Variants in VMAC observed in about 807,000 individuals in gnomAD.
VMAC encodes the protein vimentin-type intermediate filament-associated coiled-coil protein.
A neutral mutation model predicts 4.8 loss-of-function variants in VMAC; 8 were observed. The observed-to-expected ratio is 1.68, with a 90% CI of 0.99 to 3.03. The LOEUF (loss-of-function observed/expected upper bound fraction) is 3.03. Among genes scored for constraint, VMAC ranks in the 30% most tolerant of loss-of-function variants. The pLI, the probability that VMAC is intolerant of heterozygous loss-of-function variation, is 0.00. For missense variants in VMAC, 248 were observed against 245.1 expected, an observed-to-expected ratio of 1.01 and a Z score of -0.08; for synonymous variants, 96 against 113.7, an observed-to-expected ratio of 0.84 and a Z score of 0.99.
In VMAC at chr19:5,909,155, G is replaced by A; in HGVS notation, c.*13G>A. On this transcript the variant is annotated 3_prime_UTR_variant, in exon 2 of 2. Transcript: ENST00000339485. ...GACCACAGTGTGAGCCCGGAATGCAGATTACAGAATGGAGACAGAAAGCCA... is the reference window on the plus strand; with the variant it reads ...GACCACAGTGTGAGCCCGGAATGCAAATTACAGAATGGAGACAGAAAGCCA... 6.5e-7 allele frequency: 1 copy of A among 1,529,696 alleles called. No homozygotes were observed. The highest frequency in any genetic ancestry group is 8.7e-7 in the Non-Finnish European group (1 of 1,145,470). The allele number at this position is 1,529,696 out of a possible 1,614,324, so 94.8% of individuals were successfully genotyped here.
In VMAC at chr19:5,904,927, A is replaced by G. The variant is rs2057672324; in HGVS notation, c.37A>G (p.Asn13Asp). The G allele has an allele frequency of 6.7e-7, 1 of 1,491,382 alleles. No individual in the cohort carries two copies. Among genetic ancestry groups the G allele is most frequent in the Non-Finnish European group, 8.8e-7 (1 of 1,131,158 alleles). The allele number at this position is 1,491,382 out of a possible 1,614,324, so 92.4% of individuals were successfully genotyped here. A position where few individuals can be genotyped will look rare whatever the true frequency, so the allele number is the denominator to read the frequency against. ...APPALQIREANAHLAAVHRRA... is the reference protein window; with the variant it reads ...APPALQIREADAHLAAVHRRA... ...GCCGGCCCTGCAGATCCGGGAGGCA[A>G]ACGCACACCTGGCAGCCGTGCACCG... is the stretch of plus-strand genomic sequence containing the variant. The change falls in exon 1 of 2, where the codon AAC (asparagine) becomes GAC (aspartate). Residue 13 changes from asparagine to aspartate, a missense_variant. Asn to Asp is a conservative substitution (Grantham distance 23, BLOSUM62 1). Coordinates refer to ENST00000339485, the MANE Select transcript of VMAC (RefSeq NM_001017921.4).
chr19:5,905,295 G>C (rs967095127), intron 1 of VMAC, among the ~76,000 whole-genome samples: 1 of 152,252 alleles, frequency 6.6e-6, no homozygotes, highest in African/African-American at 2.4e-5. Flanking sequence ...ACTTCAAACA[G>C]GCCCACTTTC....
chr19:5,906,426 C>T (rs1168073364), intron 1 of VMAC, among the ~76,000 whole-genome samples: 2 of 152,248 alleles, frequency 1.3e-5, no homozygotes, highest in African/African-American at 4.8e-5. Flanking sequence ...CTGTGCCAGG[C>T]ACTCATTCAT....
In VMAC at chr19:5,908,495, A is replaced by T. The variant is rs1012879788; in HGVS notation, c.192-329A>T. 1.1e-4 allele frequency among the ~76,000 whole-genome samples: 17 copies of T among 152,066 alleles called. No individual in the cohort carries two copies. The highest frequency in any genetic ancestry group is 3.6e-4 in the African/African-American group (15 of 41,388). On this transcript the variant is annotated intron_variant, in intron 1 of 1. Coordinates refer to ENST00000339485, the MANE Select transcript of VMAC (RefSeq NM_001017921.4). The surrounding 1 kb of genome is among the most constrained non-coding windows in gnomAD (Gnocchi z 4.5). ...GCCGGGCATAGTGGTGGGCACCTGT[A>T]ATCCCAGCTACTAGGGAGGCTGAGG... is the stretch of plus-strand genomic sequence containing the variant.
chr19:5,907,654 C>T (rs2057683707), intron 1 of VMAC, among the ~76,000 whole-genome samples: 1 of 103,538 alleles, frequency 9.7e-6, no homozygotes, highest in Non-Finnish European at 2.1e-5. Flanking sequence ...GGCATGGTGG[C>T]ACACGCCTGC....
chr19:5,908,970 C>T lies in VMAC; in HGVS notation c.338C>T (p.Pro113Leu), dbSNP rs2057688646. ...CAGGACATCTGCCGCCGCCGGCCAC[C>T]CCTGGCTGGGCTGCTGGATGCCCTG... ...LLQDICRRRP[P>L]LAGLLDALAE... Residue 113 changes from proline (P) to leucine (L), a missense_variant, in exon 2 of 2, where the codon CCC becomes CTC. Physicochemically the swap from Pro to Leu is moderately conservative, Grantham distance 98 (BLOSUM62 -3). Coordinates refer to ENST00000339485, the MANE Select transcript of VMAC (RefSeq NM_001017921.4). The surrounding 1 kb of genome is among the most constrained non-coding windows in gnomAD (Gnocchi z 4.5). 6.2e-7 allele frequency: 1 copy of T among 1,612,308 alleles called. No homozygotes were observed. Among genetic ancestry groups the T allele is most frequent in the African/African-American group, 1.3e-5 (1 of 74,996 alleles).
Position 5,910,298 on chromosome 19 carries a change from T to C in VMAC, c.*1156T>C, listed in dbSNP as rs1168190679. 9 of 152,264 alleles carry C rather than the reference T, an allele frequency of 5.9e-5. No homozygotes were observed. Among genetic ancestry groups the C allele is most frequent in the African/African-American group, 1.4e-4 (6 of 41,456 alleles). 9.4% of individuals were successfully genotyped at this position (152,264 alleles called of 1,614,324 possible). On this transcript the variant is annotated 3_prime_UTR_variant, in exon 2 of 2. Transcript: ENST00000339485. ...TTTGTGCCTCCTGGTAGGGTCCTGCTGGGCCAGGTAGAATCTAGGGAGTGT... is the reference window on the plus strand; with the variant it reads ...TTTGTGCCTCCTGGTAGGGTCCTGCCGGGCCAGGTAGAATCTAGGGAGTGT...
At chr19:5,906,025 C>T (rs2057677855) in intron 1 of VMAC, among the ~76,000 whole-genome samples, 2 of 151,940 alleles carry the variant, frequency 1.3e-5, no homozygotes, top group South Asian at 4.1e-4. Flanking sequence ...TGCTCTGTTG[C>T]CCAGGCTGGA....
chr19:5,904,972 G>T lies in VMAC; in HGVS notation c.82G>T (p.Ala28Ser). The T allele has an allele frequency of 6.8e-7, 1 of 1,472,036 alleles. No individual in the cohort carries two copies. Among genetic ancestry groups the T allele is most frequent in the Non-Finnish European group, 8.9e-7 (1 of 1,121,704 alleles). 91.2% of individuals were successfully genotyped at this position (1,472,036 alleles called of 1,614,324 possible). Residue 28 changes from alanine to serine, a missense_variant, in exon 1 of 2, where the codon GCG (alanine) becomes TCG (serine). Coordinates refer to ENST00000339485, the MANE Select transcript of VMAC (RefSeq NM_001017921.4). ...AVHRRAAELE[A>S]RLDAAERTVH... ...GCACCGGCGCGCAGCGGAGCTGGAG[G>T]CGCGGCTGGACGCGGCGGAGCGCAC... is the stretch of plus-strand genomic sequence containing the variant.
Position 5,910,798 on chromosome 19 carries a change from A to T in VMAC, c.*1656A>T, listed in dbSNP as rs1390543345. ...CAATTCTGGGGGAAGTTATTGCTGA[A>T]ATTCTGTTTTCTTTCTTTCTTTCTT... On this transcript the variant is annotated 3_prime_UTR_variant, in exon 2 of 2. Coordinates refer to ENST00000339485, the MANE Select transcript of VMAC (RefSeq NM_001017921.4). The T allele has an allele frequency of 7.4e-6, 1 of 134,604 alleles. No individual in the cohort carries two copies. Among genetic ancestry groups the T allele is most frequent in the Admixed American group, 7.5e-5 (1 of 13,404 alleles). 8.3% of individuals were successfully genotyped at this position (134,604 alleles called of 1,614,324 possible).
At position 5,910,004 on chromosome 19, in the gene VMAC, A is replaced by AG. The variant is rs11393158; in HGVS notation, c.*864dup. On this transcript the variant is annotated 3_prime_UTR_variant, in exon 2 of 2. Coordinates refer to ENST00000339485, the MANE Select transcript of VMAC (RefSeq NM_001017921.4). ...CAGCCATTCCCCTACCTCCTCACTC[A>AG]GGAACTGTCACACCAGGAACCGGCG... 0.69 allele frequency: 105,087 copies of AG among 151,868 alleles called. 36,551 individuals are homozygous for AG. The highest frequency in any genetic ancestry group is 0.79 in the Admixed American group (12,096 of 15,256). 9.4% of individuals were successfully genotyped at this position (151,868 alleles called of 1,614,324 possible).
chr19:5,909,206 C>T lies in VMAC; in HGVS notation c.*64C>T. The T allele has an allele frequency of 6.7e-7, 1 of 1,490,280 alleles. No homozygotes were observed. Among genetic ancestry groups the T allele is most frequent in the Non-Finnish European group, 8.9e-7 (1 of 1,121,978 alleles). 92.3% of individuals were successfully genotyped at this position (1,490,280 alleles called of 1,614,324 possible). A position where few individuals can be genotyped will look rare whatever the true frequency, so the allele number is the denominator to read the frequency against. On this transcript the variant is annotated 3_prime_UTR_variant, in exon 2 of 2. Transcript: ENST00000339485. The stretch of plus-strand genomic sequence containing the variant: ...CTGCTGTCAGTGTCCTTGGGAGTCA[C>T]CAGCACCCTGCAGGGGGACCCTACG...
intron 1 of VMAC, among the ~76,000 whole-genome samples, chr19:5,905,787 G>A (rs372147566): frequency 2.0e-5 from 3 of 151,124 alleles, no homozygotes; most frequent in African/African-American, 7.3e-5. Flanking sequence ...CTCGACCTCC[G>A]GAGCTCAGGT....
chr19:5,907,597 A>T (rs1419878213), intron 1 of VMAC, among the ~76,000 whole-genome samples: 1 of 129,122 alleles, frequency 7.7e-6, no homozygotes, highest in East Asian at 2.2e-4. Flanking sequence ...ACATGGTGAA[A>T]CCCTGTCTCT....
intron 1 of VMAC, among the ~76,000 whole-genome samples, chr19:5,906,525 C>T (rs1314110202): frequency 1.3e-5 from 2 of 152,184 alleles, no homozygotes; most frequent in African/African-American, 4.8e-5. Context: ...ATTGGGTATC[C>T]ACAGTCCAGT....
rs200591554 is a variant in VMAC at position 5,910,805 on chromosome 19, T to TTTTC, written c.*1679_*1682dup. On this transcript the variant is annotated 3_prime_UTR_variant, in exon 2 of 2. Coordinates refer to ENST00000339485, the MANE Select transcript of VMAC (RefSeq NM_001017921.4). ...GGGGGAAGTTATTGCTGAAATTCTG[T>TTTTC]TTTCTTTCTTTCTTTCTTTTTTTTT... 6 of 122,916 alleles carry TTTTC rather than the reference T, an allele frequency of 4.9e-5. 1 individual carries two copies. The highest frequency in any genetic ancestry group is 1.1e-4 in the Non-Finnish European group (6 of 56,492). The allele number at this position is 122,916 out of a possible 1,614,324, so 7.6% of individuals were successfully genotyped here. A position where few individuals can be genotyped will look rare whatever the true frequency, so the allele number is the denominator to read the frequency against.
chr19:5,906,227 C>T (rs902850561), intron 1 of VMAC, among the ~76,000 whole-genome samples: 5 of 152,148 alleles, frequency 3.3e-5, no homozygotes, highest in African/African-American at 9.7e-5. Context: ...GCCTCAGCCT[C>T]CCGAAGTGCT....
Position 5,909,093 on chromosome 19 carries a change from A to G in VMAC, c.461A>G (p.Glu154Gly), listed in dbSNP as rs751001322. ...CCCCTTGACAACAGCACTGGGGAAG[A>G]GGCGGACAGGGACCACCTCCAGCCT... ...GPPLDNSTGE[E>G]ADRDHLQPAV... is the part of the protein sequence containing the mutation. The change falls in exon 2 of 2, where the codon GAG (glutamate) becomes GGG (glycine). Residue 154 changes from glutamate (E) to glycine (G), a missense_variant. Glu to Gly is a moderately conservative substitution (Grantham distance 98, BLOSUM62 -2). Coordinates refer to ENST00000339485, the MANE Select transcript of VMAC (RefSeq NM_001017921.4). The G allele has an allele frequency of 6.4e-6, 10 of 1,556,140 alleles. No homozygotes were observed. In the South Asian group the frequency reaches 1.0e-4, roughly 16 times the overall value.
rs751669540 is a variant in VMAC, at chr19:5,909,096, C to T, written c.464C>T (p.Ala155Val). Residue 155 changes from alanine to valine, a missense_variant, in exon 2 of 2, where the codon GCG becomes GTG. By Grantham distance (64) the Ala-to-Val change is moderately conservative. Coordinates refer to ENST00000339485, the MANE Select transcript of VMAC (RefSeq NM_001017921.4). Reference protein sequence around the residue: ...PPLDNSTGEEADRDHLQPAVF... With the variant: ...PPLDNSTGEEVDRDHLQPAVF... ...CTTGACAACAGCACTGGGGAAGAGG[C>T]GGACAGGGACCACCTCCAGCCTGCA... 19 of 1,554,964 alleles carry T rather than the reference C, an allele frequency of 1.2e-5. No homozygotes were observed. Among genetic ancestry groups the T allele is most frequent in the South Asian group, 8.2e-5 (7 of 85,792 alleles).
Sources: gnomAD v4.1 joint callset for allele counts (sites outside exome capture counted in the v4.1 genomes callset) on GRCh38, gnomAD v4.1.1 for gene constraint, Gnocchi (gnomAD v3.1) non-coding constraint, MANE v1.5 for transcripts, NCBI Gene and HGNC (gene_info 2026-07-23, HGNC 2026-07-21) for gene names.